HAVCR1: variants seen among roughly 807,000 people sequenced by gnomAD.
HAVCR1 encodes the protein T cell immunoglobin domain and mucin domain protein 1.
Under a neutral mutation model 32.0 loss-of-function variants are expected in HAVCR1, and 34 were observed. That is an observed-to-expected ratio of 1.06 (90% CI 0.81 to 1.42). The LOEUF is 1.42. Among genes scored for constraint, HAVCR1 ranks in the 40% most tolerant of loss-of-function variants. The pLI is 0.00. For synonymous variants in HAVCR1, 178 were observed against 170.3 expected (o/e 1.05, Z -0.35); for missense variants, 420 against 442.3 (o/e 0.95, Z 0.45).
chr5:157,037,500 G>T (rs1171358370), intron 6 of HAVCR1, 139 bp from the exon 7 acceptor site: 1 of 588,096 alleles, frequency 1.7e-6, no homozygotes, highest in African/African-American at 1.9e-5. Context: ...AAGACCAAAT[G>T]ATCTCAGTTT....
the HAVCR1 span, among the ~76,000 whole-genome samples, chr5:157,067,633 A>C: frequency 6.6e-6 from 1 of 152,078 alleles, no homozygotes; most frequent in Non-Finnish European, 1.5e-5. Flanking sequence ...GCACCCCTGC[A>C]TTCCAGCCTG....
intron 5 of HAVCR1, among the ~76,000 whole-genome samples, chr5:157,044,442 A>G (rs1228403183): frequency 8.1e-5 from 4 of 49,276 alleles, no homozygotes; most frequent in African/African-American, 1.0e-4. Flanking sequence ...AAAGAAAGAA[A>G]GAAAGAAAGA....
intron 2 of HAVCR1, among the ~76,000 whole-genome samples, chr5:157,055,873 CAA>C (rs66978480): frequency 6.7e-6 from 1 of 150,236 alleles, no homozygotes; most frequent in Non-Finnish European, 1.5e-5. Context: ...CCCCCTCCCC[CAA>C]AAAAAAATTC....
chr5:157,047,281 G>A (rs1347533590), intron 5 of HAVCR1, among the ~76,000 whole-genome samples: 7 of 152,160 alleles, frequency 4.6e-5, no homozygotes, highest in Non-Finnish European at 1.0e-4. Flanking sequence ...CCTGGGTGCG[G>A]TGGCTCACGC....
the HAVCR1 span, among the ~76,000 whole-genome samples, chr5:157,065,180 G>A: frequency 3.3e-5 from 5 of 152,074 alleles, no homozygotes; most frequent in African/African-American, 9.7e-5. Flanking sequence ...TTAGCCAGGC[G>A]TGGTGGCAGG....
chr5:157,053,612 G>A (rs553033968), intron 3 of HAVCR1, among the ~76,000 whole-genome samples: 7 of 152,314 alleles, frequency 4.6e-5, no homozygotes, highest in South Asian at 4.1e-4. Flanking sequence ...GCTCACGCCT[G>A]TAATCCCAGC....
At chr5:157,053,093 T>A (rs4704733) in intron 3 of HAVCR1, among the ~76,000 whole-genome samples, 1 of 152,050 alleles carries the variant, frequency 6.6e-6, no homozygotes, top group Non-Finnish European at 1.5e-5. Flanking sequence ...TTAAAAAAAC[T>A]TTTTTTGTAG....
At chr5:157,044,988 C>T (rs1211130765) in intron 5 of HAVCR1, among the ~76,000 whole-genome samples, 2 of 151,802 alleles carry the variant, frequency 1.3e-5, no homozygotes, top group Non-Finnish European at 1.5e-5. Context: ...TGTGTGTATA[C>T]AGTAGTGCCC....
chr5:157,044,516 AAG>A (rs1755176888), intron 5 of HAVCR1, among the ~76,000 whole-genome samples: 1 of 143,406 alleles, frequency 7.0e-6, no homozygotes, highest in African/African-American at 2.6e-5. Context: ...AGGAGGAAGG[AAG>A]GAAAGAAAGA....
chr5:157,037,018 C>A (rs1246437901), intron 7 of HAVCR1, among the ~76,000 whole-genome samples: 2 of 152,234 alleles, frequency 1.3e-5, no homozygotes, highest in East Asian at 1.9e-4. Flanking sequence ...GCATAAGACC[C>A]CACACCCAGC....
intron 8 of HAVCR1, among the ~76,000 whole-genome samples, chr5:157,031,274 T>C (rs1754155325): frequency 6.6e-6 from 1 of 152,148 alleles, no homozygotes; most frequent in East Asian, 1.9e-4. Context: ...TTCAGACAGG[T>C]TCTGTGGATT....
chr5:157,041,359 A>G (rs893470493), intron 6 of HAVCR1, among the ~76,000 whole-genome samples: 3 of 152,108 alleles, frequency 2.0e-5, no homozygotes, highest in South Asian at 2.1e-4. Context: ...TTATCCAGGT[A>G]TGGTGGTATG....
chr5:157,056,111 G>A (rs1013821672), intron 2 of HAVCR1, among the ~76,000 whole-genome samples: 11 of 151,358 alleles, frequency 7.3e-5, no homozygotes, highest in South Asian at 2.1e-4. Context: ...CACCACGCCC[G>A]GCTAATTTTT....
chr5:157,042,014 G>A (rs1227751723), intron 6 of HAVCR1, among the ~76,000 whole-genome samples: 3 of 151,908 alleles, frequency 2.0e-5, no homozygotes, highest in African/African-American at 4.8e-5. Context: ...AGCTGAGATC[G>A]CATCACTACA....
intron 3 of HAVCR1, among the ~76,000 whole-genome samples, chr5:157,054,012 C>T (rs1755950740): frequency 6.6e-6 from 1 of 151,100 alleles, no homozygotes; most frequent in African/African-American, 2.4e-5. Flanking sequence ...GAAACCATAT[C>T]TCTACAAAAA....
chr5:157,034,620 T>C (rs1754417917), intron 7 of HAVCR1, among the ~76,000 whole-genome samples: 1 of 151,834 alleles, frequency 6.6e-6, no homozygotes, highest in African/African-American at 2.4e-5. Context: ...CAAGGCCATA[T>C]CTCGGGCTGT....
At chr5:157,051,011 C>T (rs1026857471) in intron 4 of HAVCR1, among the ~76,000 whole-genome samples, 1 of 152,150 alleles carries the variant, frequency 6.6e-6, no homozygotes, top group African/African-American at 2.4e-5. Context: ...CAATGGATTT[C>T]TGAGGGCTTT....
chr5:157,064,284 G>A, the HAVCR1 span, among the ~76,000 whole-genome samples: 7 of 148,588 alleles, frequency 4.7e-5, no homozygotes, highest in Non-Finnish European at 1.0e-4. Flanking sequence ...AGGCCAAGGC[G>A]GGAGGACTGC....
chr5:157,060,598 A>G (rs1756463162), upstream of HAVCR1, among the ~76,000 whole-genome samples: 1 of 152,134 alleles, frequency 6.6e-6, no homozygotes, highest in African/African-American at 2.4e-5. Flanking sequence ...GTCTGTCTCT[A>G]TTCCCTCCTA....
Sources: allele counts gnomAD v4.1 joint callset (sites outside exome capture counted in the v4.1 genomes callset), GRCh38; gene constraint gnomAD v4.1.1; transcripts MANE v1.5; gene names NCBI Gene and HGNC (gene_info 2026-07-23, HGNC 2026-07-21).